Variants in ANKRD11 observed in about 807,000 individuals in gnomAD.
ANKRD11 encodes the protein ankyrin repeat domain 11.
A neutral mutation model predicts 195.7 loss-of-function variants in ANKRD11; 17 were observed. The observed-to-expected ratio is 0.09, with a 90% CI of 0.06 to 0.13. The LOEUF (loss-of-function observed/expected upper bound fraction) is 0.13. Among genes scored for constraint, ANKRD11 ranks in the 10% least tolerant of loss-of-function variants. ANKRD11 has a pLI of 1.00. For missense variants in ANKRD11, 3,735 were observed against 3,566.1 expected (o/e 1.05, Z -1.21); for synonymous variants, 1,953 against 1,528.1 (o/e 1.28, Z -6.49).
At chr16:89,368,608 TA>T (rs34142081) in intron 2 of ANKRD11, among the ~76,000 whole-genome samples, 2,871 of 131,542 alleles carry the variant, frequency 0.022, 32 homozygotes, top group African/African-American at 0.045. Flanking sequence ...ACGCAGCTCT[TA>T]AAAAAAAAAA....
At chr16:89,407,625 A>G (rs1035836948) in intron 2 of ANKRD11, among the ~76,000 whole-genome samples, 6 of 152,228 alleles carry the variant, frequency 3.9e-5, no homozygotes, top group Non-Finnish European at 8.8e-5. Context: ...GTTCAAGACC[A>G]GCCTGAGTAA....
intron 1 of ANKRD11, among the ~76,000 whole-genome samples, chr16:89,461,595 C>A (rs2056672325): frequency 6.6e-6 from 1 of 152,118 alleles, no homozygotes; most frequent in Admixed American, 6.5e-5. Flanking sequence ...CTTCCCTCGG[C>A]CTCCGAAAGT....
intron 2 of ANKRD11, among the ~76,000 whole-genome samples, chr16:89,366,614 A>C (rs1210151845): frequency 6.6e-6 from 1 of 152,192 alleles, no homozygotes; most frequent in Non-Finnish European, 1.5e-5. Flanking sequence ...CTTGTTGAAA[A>C]GGCTGCCATC....
At chr16:89,295,403 C>T (rs2035348933) in intron 4 of ANKRD11, among the ~76,000 whole-genome samples, 1 of 152,192 alleles carries the variant, frequency 6.6e-6, no homozygotes, top group Admixed American at 6.5e-5. Flanking sequence ...GCCCGTAGGG[C>T]CTTTCTTCAA....
chr16:89,391,165 T>C (rs1244642709), intron 2 of ANKRD11, among the ~76,000 whole-genome samples: 1 of 150,404 alleles, frequency 6.6e-6, no homozygotes, highest in African/African-American at 2.5e-5. Context: ...AAGGCGGAGC[T>C]TGCAGTGAGC....
intron 2 of ANKRD11, among the ~76,000 whole-genome samples, chr16:89,346,090 A>T (rs556744568): frequency 4.6e-5 from 7 of 151,782 alleles, no homozygotes; most frequent in African/African-American, 1.7e-4. Flanking sequence ...AACAACACAA[A>T]AAAAAAAAAT....
At chr16:89,452,069 G>C (rs1182317113) in intron 1 of ANKRD11, among the ~76,000 whole-genome samples, 2 of 151,998 alleles carry the variant, frequency 1.3e-5, no homozygotes, top group African/African-American at 4.8e-5. Context: ...GACCAGCCTG[G>C]ACAACACGGT....
intron 1 of ANKRD11, among the ~76,000 whole-genome samples, chr16:89,423,815 C>T (rs1257851535): frequency 2.0e-5 from 3 of 152,160 alleles, no homozygotes; most frequent in African/African-American, 4.8e-5. Context: ...AGCCAGCCTG[C>T]GGATGTAACA....
intron 1 of ANKRD11, among the ~76,000 whole-genome samples, chr16:89,465,505 G>T (rs1277528863): frequency 6.6e-6 from 1 of 152,134 alleles, no homozygotes; most frequent in Admixed American, 6.5e-5. Flanking sequence ...GTGCCACACC[G>T]CCCGCCCGCA....
chr16:89,285,585 C>A lies in ANKRD11; in HGVS notation c.957G>T (p.Thr319=), dbSNP rs561986666. The A allele has an allele frequency of 6.2e-7, 1 of 1,614,120 alleles. No homozygotes were observed. Among genetic ancestry groups the A allele is most frequent in the Non-Finnish European group, 8.5e-7 (1 of 1,180,022 alleles). Residue 319 remains threonine (T), a synonymous_variant, in exon 9 of 13, where the codon ACG becomes ACT. Coordinates refer to ENST00000301030, the MANE Select transcript of ANKRD11 (RefSeq NM_013275.6). The surrounding 1 kb of genome is among the most constrained non-coding windows in gnomAD (Gnocchi z 5.6). ...APSSSVDGNN[T]DSEFEKGLKH... ...TGAGGCCTTTTTCGAACTCGGAGTC[C>A]GTGTTGTTGCCGTCGACTGAACTGG... is the stretch of plus-strand genomic sequence containing the variant.
chr16:89,481,157 T>C (rs1486274676), intron 1 of ANKRD11, among the ~76,000 whole-genome samples: 1 of 152,232 alleles, frequency 6.6e-6, no homozygotes, highest in Non-Finnish European at 1.5e-5. Flanking sequence ...TCATCTTCTC[T>C]TTTTCCAAGT....
intron 2 of ANKRD11, among the ~76,000 whole-genome samples, chr16:89,414,430 G>C (rs1359010440): frequency 6.6e-6 from 1 of 152,286 alleles, no homozygotes; most frequent in East Asian, 1.9e-4. Context: ...TCACGCAGCC[G>C]CACCGCCTGA....
At chr16:89,369,867 G>C (rs1449339321) in intron 2 of ANKRD11, among the ~76,000 whole-genome samples, 2 of 152,214 alleles carry the variant, frequency 1.3e-5, no homozygotes, top group Admixed American at 6.5e-5. Context: ...ACAAGGGACT[G>C]CTCCCTGTTC....
At position 89,290,274 on chromosome 16, in the gene ANKRD11, GT is replaced by G. The variant is rs763678839; in HGVS notation, c.601+350del. Among the ~76,000 whole-genome samples, 44 of 137,646 alleles carry G rather than the reference GT, an allele frequency of 3.2e-4. No homozygotes were observed. In the East Asian group the frequency reaches 3.5e-3, roughly 11 times the overall value. 90.3% of individuals were successfully genotyped at this position (137,646 alleles called of 152,430 possible). Reference sequence around the variant, plus strand: ...GGGTAGGCTCAGGGCTCCAATGGGGGTAGGCTCAGGGCTCCAGCCGGGGGAG... The same window carrying G: ...GGGTAGGCTCAGGGCTCCAATGGGGGAGGCTCAGGGCTCCAGCCGGGGGAG... On this transcript the variant is annotated intron_variant, in intron 6 of 12. Coordinates refer to ENST00000301030, the MANE Select transcript of ANKRD11 (RefSeq NM_013275.6).
chr16:89,364,067 A>AATAC (rs148409611), intron 2 of ANKRD11, among the ~76,000 whole-genome samples: 23 of 150,426 alleles, frequency 1.5e-4, no homozygotes, highest in African/African-American at 2.2e-4. Context: ...GCTGATTTAA[A>AATAC]ACACACACAC....
At chr16:89,461,285 G>A (rs57552990) in intron 1 of ANKRD11, among the ~76,000 whole-genome samples, 43,519 of 151,224 alleles carry the variant, frequency 0.29, 7,352 homozygotes, top group Middle Eastern at 0.42. Flanking sequence ...TATGGGGAGA[G>A]GGATGAAGAG....
chr16:89,425,572 A>T (rs2042683275), intron 1 of ANKRD11, among the ~76,000 whole-genome samples: 1 of 152,150 alleles, frequency 6.6e-6, no homozygotes, highest in South Asian at 2.1e-4. Context: ...ATCCACTCTG[A>T]TCAAACCATT....
chr16:89,346,786 A>G (rs1337470983), intron 2 of ANKRD11, among the ~76,000 whole-genome samples: 1 of 152,274 alleles, frequency 6.6e-6, no homozygotes, highest in African/African-American at 2.4e-5. Context: ...ATCCCAATAA[A>G]GAGACTCTAA....
At chr16:89,270,955 G>C in intron 11 of ANKRD11, 46 bp from the exon 12 acceptor site, 3 of 1,585,484 alleles carry the variant, frequency 1.9e-6, no homozygotes, top group Non-Finnish European at 2.6e-6. Context: ...CCCAGAGACC[G>C]CTACGGGAAG....
Sources: gnomAD v4.1 joint callset for allele counts (sites outside exome capture counted in the v4.1 genomes callset) on GRCh38, gnomAD v4.1.1 for gene constraint, Gnocchi (gnomAD v3.1) non-coding constraint, MANE v1.5 for transcripts, NCBI Gene and HGNC (gene_info 2026-07-23, HGNC 2026-07-21) for gene names.